TSGA10IP: variants seen among roughly 807,000 people sequenced by gnomAD.
TSGA10IP encodes the protein testis-specific protein 10-interacting protein.
TSGA10IP carries 64 observed loss-of-function variants against 63.2 expected under a neutral mutation model. The observed-to-expected ratio is 1.01, with a 90% CI of 0.83 to 1.25. The LOEUF (loss-of-function observed/expected upper bound fraction) is 1.25. TSGA10IP is among the 50% of genes most tolerant of loss of function. The pLI, the probability that TSGA10IP is intolerant of heterozygous loss-of-function variation, is 0.00. For synonymous variants in TSGA10IP, 316 were observed against 298.3 expected (o/e 1.06, Z -0.61); for missense variants, 681 against 710.1 (o/e 0.96, Z 0.47).
intron 5 of TSGA10IP, among the ~76,000 whole-genome samples, chr11:65,956,999 C>A (rs547490292): frequency 6.6e-6 from 1 of 152,344 alleles, no homozygotes; most frequent in Non-Finnish European, 1.5e-5. Context: ...CTATGAACTT[C>A]GCTGTCTGAG....
chr11:65,946,509 G>A (rs1201339767), intron 1 of TSGA10IP, among the ~76,000 whole-genome samples: 1 of 152,020 alleles, frequency 6.6e-6, no homozygotes, highest in Non-Finnish European at 1.5e-5. Context: ...TCGGCTCACT[G>A]CAGCCTCCAA....
At chr11:65,954,168 C>CTT (rs762331435) in intron 5 of TSGA10IP, among the ~76,000 whole-genome samples, 12 of 141,910 alleles carry the variant, frequency 8.5e-5, no homozygotes, top group Non-Finnish European at 1.2e-4. Flanking sequence ...GACCATTTTC[C>CTT]TTTTTTTTTT....
chr11:65,949,939 G>A (rs1415769711), intron 4 of TSGA10IP, among the ~76,000 whole-genome samples: 6 of 130,284 alleles, frequency 4.6e-5, no homozygotes, highest in South Asian at 2.7e-4. Flanking sequence ...TGCAACCTCC[G>A]TCTCCAGGGT....
chr11:65,947,047 G>A (rs369312709), intron 2 of TSGA10IP, 31 bp downstream of exon 2: 12 of 1,612,550 alleles, frequency 7.4e-6, no homozygotes, highest in Admixed American at 1.7e-5. Flanking sequence ...TCAGGAGGCT[G>A]TTGGGGGTCA....
intron 1 of TSGA10IP, among the ~76,000 whole-genome samples, chr11:65,946,441 G>GT (rs1009725805): frequency 6.6e-6 from 1 of 151,770 alleles, no homozygotes; most frequent in Admixed American, 6.6e-5. Context: ...TTGTTTGTTT[G>GT]TTTTTTTGAG....
exon 7 of TSGA10IP, chr11:65,959,229 G>A (rs764137373): frequency 6.2e-7 from 1 of 1,608,382 alleles, no homozygotes; most frequent in South Asian, 1.1e-5. Flanking sequence ...CTTCTCCCAG[G>A]TGCTGTCAGC....
chr11:65,950,808 C>T lies in TSGA10IP; in HGVS notation c.1151+2660C>T, dbSNP rs942197958. ...CGCTATCCTGACCTCGTGATCCACCCGCCTCAGCCTCCCAAGGTGCTGGGA... is the reference window on the plus strand; with the variant it reads ...CGCTATCCTGACCTCGTGATCCACCTGCCTCAGCCTCCCAAGGTGCTGGGA... On this transcript the variant is annotated intron_variant, in intron 4 of 7. Coordinates refer to ENST00000532620, the Ensembl canonical transcript of TSGA10IP. Among the ~76,000 whole-genome samples the T allele has an allele frequency of 5.9e-5, 9 of 152,186 alleles. No homozygotes were observed. The South Asian group carries it at 6.2e-4, about 11-fold the overall frequency.
exon 1 of TSGA10IP, chr11:65,945,747 G>A: frequency 2.5e-6 from 4 of 1,612,800 alleles, no homozygotes; most frequent in Non-Finnish European, 3.4e-6. Context: ...GACCAGGGCA[G>A]GACGTGCGGC....
chr11:65,957,311 C>A (rs1311713220), intron 5 of TSGA10IP, among the ~76,000 whole-genome samples: 1 of 152,178 alleles, frequency 6.6e-6, no homozygotes, highest in Non-Finnish European at 1.5e-5. Flanking sequence ...CCACCACTCC[C>A]AGCTAACTTT....
intron 4 of TSGA10IP, among the ~76,000 whole-genome samples, 181 bp downstream of exon 4, chr11:65,948,329 C>A (rs551345239): frequency 6.6e-6 from 1 of 152,186 alleles, no homozygotes; most frequent in South Asian, 2.1e-4. Context: ...CCCATCCATC[C>A]ATCTATCCAA....
chr11:65,959,742 G>A, intron 7 of TSGA10IP, 75 bp from the exon 8 acceptor site: 2 of 1,490,080 alleles, frequency 1.3e-6, no homozygotes, highest in Non-Finnish European at 1.8e-6. Context: ...AGGGTTTGAA[G>A]CCACATTGTC....
chr11:65,953,896 A>C (rs761177839), intron 5 of TSGA10IP, among the ~76,000 whole-genome samples, 159 bp downstream of exon 5: 19 of 152,316 alleles, frequency 1.2e-4, no homozygotes, highest in Non-Finnish European at 2.2e-4. Context: ...GCATGGGGAG[A>C]AGGGGTCTGT....
rs543769953 is a variant in TSGA10IP at position 65,953,030 on chromosome 11, CT to C, written c.1152-520del. On this transcript the variant is annotated intron_variant, in intron 4 of 7. Transcript: ENST00000532620. ...CCCTTCATTTCTTTTTTCTTTCTTT[CT>C]TTTTTTTTTTTTTTTTGAGATGGAG... 5.4e-3 allele frequency among the ~76,000 whole-genome samples: 723 copies of C among 133,620 alleles called. 2 individuals are homozygous for C. Among genetic ancestry groups the C allele is most frequent in the African/African-American group, 0.011 (396 of 35,668 alleles). 87.7% of individuals were successfully genotyped at this position (133,620 alleles called of 152,430 possible).
At chr11:65,959,105 CCCTGGGACCCCCTCAGTAA>C in intron 6 of TSGA10IP, 66 bp from the exon 7 acceptor site, 1 of 1,566,898 alleles carries the variant, frequency 6.4e-7, no homozygotes, top group East Asian at 2.3e-5. Flanking sequence ...CCTCTGGAAT[CCCTGGGACCCCCTCAGTAA>C]CCCGATCCCC....
chr11:65,947,716 C>T (rs1267611931), exon 3 of TSGA10IP: 1 of 1,595,824 alleles, frequency 6.3e-7, no homozygotes, highest in East Asian at 2.3e-5. Flanking sequence ...GGAGCAGCCC[C>T]AGCTTCAACA....
At chr11:65,957,689 C>A (rs943489153) in intron 5 of TSGA10IP, among the ~76,000 whole-genome samples, 10 of 152,204 alleles carry the variant, frequency 6.6e-5, no homozygotes, top group African/African-American at 2.2e-4. Context: ...CCGGGCCCAG[C>A]ACAATCGCTG....
At chr11:65,947,780 T>C in exon 3 of TSGA10IP, 1 of 1,583,072 alleles carries the variant, frequency 6.3e-7, no homozygotes. Context: ...GCAGGGGCCA[T>C]GGGACCTGGA....
At chr11:65,945,928 C>A in intron 1 of TSGA10IP, 106 bp downstream of exon 1, 4 of 1,351,072 alleles carry the variant, frequency 3.0e-6, no homozygotes, top group Non-Finnish European at 4.1e-6. Context: ...GAGCTGAGGT[C>A]CAGATGAAAC....
chr11:65,947,950 G>A, intron 3 of TSGA10IP, 51 bp from the exon 4 acceptor site: 3 of 1,532,376 alleles, frequency 2.0e-6, no homozygotes, highest in South Asian at 1.2e-5. Context: ...GGCGTTGCCT[G>A]GTGGGCTGAG....
Sources: gnomAD v4.1 joint callset for allele counts (sites outside exome capture counted in the v4.1 genomes callset) on GRCh38, gnomAD v4.1.1 for gene constraint, MANE v1.5 for transcripts, NCBI Gene and HGNC (gene_info 2026-07-23, HGNC 2026-07-21) for gene names.